Variants in DGLUCY observed in about 807,000 individuals in gnomAD.
DGLUCY encodes D-glutamate cyclase, also known as D-glutamate cyclase, mitochondrial.
In DGLUCY, 58 loss-of-function variants were observed where a neutral mutation model predicts 58.5. That is an observed-to-expected ratio of 0.99 (90% CI 0.80 to 1.23). DGLUCY has a LOEUF of 1.23. Ranked by LOEUF, DGLUCY falls within the 50% of genes most tolerant of loss-of-function variation. The probability of loss-of-function intolerance (pLI) is 0.00; values close to 1 mark genes in which losing one functional copy is unlikely to be tolerated. For synonymous variants in DGLUCY, 325 were observed against 314.1 expected (o/e 1.03, Z -0.37); for missense variants, 779 against 784.7 (o/e 0.99, Z 0.09).
At chr14:91,115,800 A>G (rs942309131) in intron 1 of DGLUCY, among the ~76,000 whole-genome samples, 1 of 152,228 alleles carries the variant, frequency 6.6e-6, no homozygotes, top group Non-Finnish European at 1.5e-5. Context: ...TTTTATTTGT[A>G]AGAGTGAGGA....
exon 1 of DGLUCY, chr14:91,060,657 C>G: frequency 2.1e-6 from 1 of 465,238 alleles, no homozygotes; most frequent in Non-Finnish European, 3.4e-6. Context: ...CAAACCGCCC[C>G]CTGCTCCACC....
In DGLUCY at chr14:91,176,662, C is replaced by T. The variant is rs141900271; in HGVS notation, c.730+606C>T. On this transcript the variant is annotated intron_variant, in intron 7 of 13. Coordinates refer to ENST00000256324, the MANE Select transcript of DGLUCY (RefSeq NM_001102368.3). ...TCGCCCAGGCTGGAGTGCAGTGGCA[C>T]GATCTCGGCTCACTGCAAGCTCCGC... Among the ~76,000 whole-genome samples the T allele has an allele frequency of 2.6e-3, 394 of 152,302 alleles. 2 individuals are homozygous for T. The highest frequency in any genetic ancestry group is 8.8e-3 in the African/African-American group (365 of 41,556).
At chr14:91,180,612 C>T (rs1007392245) in intron 7 of DGLUCY, among the ~76,000 whole-genome samples, 6 of 151,448 alleles carry the variant, frequency 4.0e-5, no homozygotes, top group Non-Finnish European at 7.4e-5. Context: ...AAAGTCACAT[C>T]TCAAATTCCA....
chr14:91,199,932 C>G, intron 11 of DGLUCY, 27 bp downstream of exon 11: 4 of 1,613,196 alleles, frequency 2.5e-6, no homozygotes, highest in Non-Finnish European at 3.4e-6. Flanking sequence ...GGGGATGCAC[C>G]AAGAACGTGG....
At chr14:91,123,111 C>T (rs1470386939) in intron 1 of DGLUCY, among the ~76,000 whole-genome samples, 2 of 152,038 alleles carry the variant, frequency 1.3e-5, no homozygotes, top group East Asian at 3.8e-4. Flanking sequence ...TCTGTTCGGC[C>T]CACACCACCT....
chr14:91,150,209 A>T (rs1462151843), intron 1 of DGLUCY, among the ~76,000 whole-genome samples: 1 of 97,796 alleles, frequency 1.0e-5, no homozygotes. Flanking sequence ...ACAGAGTGAG[A>T]CTCCATCTCA....
intron 1 of DGLUCY, among the ~76,000 whole-genome samples, chr14:91,075,928 C>T (rs906077093): frequency 9.9e-5 from 15 of 152,280 alleles, no homozygotes; most frequent in Non-Finnish European, 1.9e-4. Flanking sequence ...GCCAGGCCAA[C>T]ATGGTGAAAC....
intron 1 of DGLUCY, among the ~76,000 whole-genome samples, chr14:91,141,793 C>A (rs1257328513): frequency 6.6e-6 from 1 of 151,652 alleles, no homozygotes; most frequent in African/African-American, 2.4e-5. Context: ...TCAGGTGATT[C>A]GCCCGCCTCA....
chr14:91,073,932 G>T (rs769384040), intron 1 of DGLUCY, among the ~76,000 whole-genome samples: 26 of 151,456 alleles, frequency 1.7e-4, no homozygotes, highest in Non-Finnish European at 3.5e-4. Context: ...ACCAGCCCGG[G>T]CAATATAGCA....
At chr14:91,220,667 G>T in intron 13 of DGLUCY, 1 of 456,046 alleles carries the variant, frequency 2.2e-6, no homozygotes, top group East Asian at 6.9e-5. Flanking sequence ...CCCCAGCCCG[G>T]TCCAGGCAGC....
At chr14:91,179,960 C>T (rs1325099087) in intron 7 of DGLUCY, among the ~76,000 whole-genome samples, 4 of 122,012 alleles carry the variant, frequency 3.3e-5, no homozygotes, top group Non-Finnish European at 4.8e-5. Context: ...GACGTGTTCT[C>T]AGCTCACTGC....
chr14:91,120,016 T>G (rs771803414), intron 1 of DGLUCY, among the ~76,000 whole-genome samples: 1 of 152,212 alleles, frequency 6.6e-6, no homozygotes, highest in Non-Finnish European at 1.5e-5. Flanking sequence ...TTTTGAGGTT[T>G]TGGGACTTGG....
At chr14:91,096,865 T>G (rs1343061521) in intron 1 of DGLUCY, among the ~76,000 whole-genome samples, 1 of 152,210 alleles carries the variant, frequency 6.6e-6, no homozygotes, top group African/African-American at 2.4e-5. Context: ...GCAATTTTAC[T>G]GAGCTCGCAC....
chr14:91,071,612 A>G (rs1044079832), intron 1 of DGLUCY, among the ~76,000 whole-genome samples: 52 of 152,234 alleles, frequency 3.4e-4, no homozygotes, highest in Non-Finnish European at 5.6e-4. Flanking sequence ...GCTCACGCCT[A>G]TAATCCCAGC....
intron 1 of DGLUCY, among the ~76,000 whole-genome samples, chr14:91,118,921 C>T (rs2045172713): frequency 6.6e-6 from 1 of 152,054 alleles, no homozygotes. Context: ...AGTTCGAAAC[C>T]AGCCTGGGCA....
At chr14:91,103,789 GCACA>G (rs1292846554), upstream of DGLUCY, among the ~76,000 whole-genome samples, 6 of 150,942 alleles carry the variant, frequency 4.0e-5, no homozygotes, top group East Asian at 1.9e-4. Flanking sequence ...AAACACACAC[GCACA>G]CACAAACACA....
intron 13 of DGLUCY, among the ~76,000 whole-genome samples, chr14:91,217,686 C>G (rs1389336996): frequency 6.6e-6 from 1 of 151,520 alleles, no homozygotes; most frequent in Non-Finnish European, 1.5e-5. Context: ...CAGGATTTCT[C>G]CAAGTTGGCG....
intron 6 of DGLUCY, 45 bp downstream of exon 6, chr14:91,173,484 G>A: frequency 6.5e-7 from 1 of 1,542,682 alleles, no homozygotes; most frequent in Non-Finnish European, 8.7e-7. Context: ...GTTCACATGG[G>A]CAACCCAGGT....
chr14:91,188,690 T>C (rs555489115), intron 8 of DGLUCY, among the ~76,000 whole-genome samples: 2 of 152,066 alleles, frequency 1.3e-5, no homozygotes, highest in South Asian at 4.2e-4. Context: ...ATTAGCGGGC[T>C]GTGGTGGCGC....
Sources: gnomAD v4.1 joint callset for allele counts (sites outside exome capture counted in the v4.1 genomes callset) on GRCh38, gnomAD v4.1.1 for gene constraint, MANE v1.5 for transcripts, NCBI Gene and HGNC (gene_info 2026-07-23, HGNC 2026-07-21) for gene names.